TTLL10: variants seen among roughly 807,000 people sequenced by gnomAD.
The protein encoded by TTLL10 is inactive polyglycylase TTLL10.
TTLL10 carries 61 observed loss-of-function variants against 69.0 expected under a neutral mutation model. That is an observed-to-expected ratio of 0.88 (90% CI 0.72 to 1.09). The LOEUF (loss-of-function observed/expected upper bound fraction) is 1.09. TTLL10 is among the 50% of genes least tolerant of loss of function. TTLL10 has a pLI of 0.00. For synonymous variants in TTLL10, 408 were observed against 393.3 expected, an observed-to-expected ratio of 1.04 and a Z score of -0.44; for missense variants, 962 against 945.9, an observed-to-expected ratio of 1.02 and a Z score of -0.22.
intron 3 of TTLL10, chr1:1,174,727 C>T (rs538632497): frequency 1.3e-5 from 2 of 152,346 alleles, no homozygotes; most frequent in South Asian, 2.1e-4. Context: ...GATCGACAGG[C>T]GTGAGGAGCC....
intron 13 of TTLL10, among the ~76,000 whole-genome samples, chr1:1,186,277 T>C (rs11260548): frequency 0.27 from 40,548 of 151,858 alleles, 6,440 homozygotes; most frequent in East Asian, 0.74. Flanking sequence ...TTAGTAGAGA[T>C]GGGGTTTTGC....
chr1:1,184,746 CCCCCAG>C (rs1647202209), intron 12 of TTLL10, among the ~76,000 whole-genome samples: 2 of 132,998 alleles, frequency 1.5e-5, no homozygotes, highest in African/African-American at 5.6e-5. Flanking sequence ...GCACCGTGTG[CCCCCAG>C]TTCATGCAGA....
chr1:1,180,958 G>A lies in TTLL10; in HGVS notation c.755+98G>A, dbSNP rs1184296883. 19 of 1,103,662 alleles carry A rather than the reference G, an allele frequency of 1.7e-5. No homozygotes were observed. In the Admixed American group the frequency reaches 7.0e-4, roughly 41 times the overall value. 68.4% of individuals were successfully genotyped at this position (1,103,662 alleles called of 1,614,324 possible). On this transcript the variant is annotated intron_variant, in intron 8 of 15. Transcript: ENST00000379289. ...CCGCCCCACCCCTGCCCCTGCGCCC[G>A]CCCCTGCCCTTGCCCCTGCCCCTGG... is the stretch of plus-strand genomic sequence containing the variant.
intron 11 of TTLL10, among the ~76,000 whole-genome samples, chr1:1,183,302 AGGTGGCCTGGCCTGGGTGGCCTCCC>A (rs1398437736): frequency 6.6e-6 from 1 of 152,146 alleles, no homozygotes; most frequent in Non-Finnish European, 1.5e-5. Context: ...TCTGTCCTGC[AGGTGGCCTGGCCTGGGTGGCCTCCC>A]GGCTGCCAGC....
At position 1,197,422 on chromosome 1, in the gene TTLL10, C is replaced by A; in HGVS notation, c.1613-16C>A. 1 of 1,429,192 alleles carries A rather than the reference C, an allele frequency of 7.0e-7. No individual in the cohort carries two copies. The allele number at this position is 1,429,192 out of a possible 1,614,324, so 88.5% of individuals were successfully genotyped here. On this transcript the variant is annotated splice_polypyrimidine_tract_variant and intron_variant, in intron 15 of 15. Coordinates refer to ENST00000379289, the MANE Select transcript of TTLL10 (RefSeq NM_001130045.2). ...CCTCTGCCCCCCACTCACCCTCTCT[C>A]CCCCACCCGCACCAGACCTGGTGCT... is the stretch of plus-strand genomic sequence containing the variant.
intron 13 of TTLL10, among the ~76,000 whole-genome samples, chr1:1,195,567 A>G (rs1010778868): frequency 5.9e-5 from 8 of 135,040 alleles, no homozygotes; most frequent in Non-Finnish European, 1.1e-4. Context: ...CTTGTCTCGA[A>G]CTCCTGACCT....
At position 1,183,006 on chromosome 1, in the gene TTLL10, CA is replaced by C; in HGVS notation, c.1049del (p.Lys350ArgfsTer42). On this transcript the variant is annotated frameshift_variant, in exon 11 of 16. Transcript: ENST00000379289. LOFTEE classifies it high-confidence loss of function. ...RSMEDDPIHH[K>X]TPFRGPQARV... ...GCATGGAGGACGACCCCATCCACCA[CA>C]AGACGCCGTTCCGGGGGCCTCAGGC... 6.2e-7 allele frequency: 1 copy of C among 1,609,934 alleles called. No individual in the cohort carries two copies. The highest frequency in any genetic ancestry group is 8.5e-7 in the Non-Finnish European group (1 of 1,178,620).
At chr1:1,193,977 G>A (rs986156014) in intron 13 of TTLL10, among the ~76,000 whole-genome samples, 4 of 147,224 alleles carry the variant, frequency 2.7e-5, no homozygotes, top group African/African-American at 5.3e-5. Context: ...GGGCAACATA[G>A]TGAGACCCCA....
At chr1:1,178,678 G>A (rs1400995983) in intron 3 of TTLL10, among the ~76,000 whole-genome samples, 1 of 152,190 alleles carries the variant, frequency 6.6e-6, no homozygotes, top group Non-Finnish European at 1.5e-5. Context: ...TTGCAACATG[G>A]GAAGGTGTTG....
At chr1:1,182,190 G>C (rs1211984116) in intron 9 of TTLL10, among the ~76,000 whole-genome samples, 171 bp from the exon 10 acceptor site, 3 of 152,226 alleles carry the variant, frequency 2.0e-5, no homozygotes, top group Non-Finnish European at 4.4e-5. Flanking sequence ...CCCGTTGGGG[G>C]GGTGCTGCAA....
At chr1:1,179,519 A>G in intron 4 of TTLL10, 138 bp from the exon 5 acceptor site, 1 of 1,403,986 alleles carries the variant, frequency 7.1e-7, no homozygotes, top group African/African-American at 1.4e-5. Context: ...CACAGAGGGG[A>G]GCTGTCGCGC....
intron 15 of TTLL10, 31 bp downstream of exon 15, chr1:1,197,217 C>G: frequency 6.5e-7 from 1 of 1,535,784 alleles, no homozygotes; most frequent in South Asian, 1.2e-5. Flanking sequence ...CCCACACCCC[C>G]ACAACCTGCC....
intron 13 of TTLL10, among the ~76,000 whole-genome samples, chr1:1,194,235 C>T (rs1648039057): frequency 1.3e-5 from 2 of 152,222 alleles, no homozygotes; most frequent in Admixed American, 1.3e-4. Context: ...CAAAAACACA[C>T]TGCTCCTAAA....
intron 10 of TTLL10, 39 bp downstream of exon 10, chr1:1,182,485 G>A (rs1487687697): frequency 6.2e-7 from 1 of 1,601,342 alleles, no homozygotes; most frequent in Non-Finnish European, 8.6e-7. Flanking sequence ...TGGCCCTGGG[G>A]AGACAGGGTG....
Position 1,197,533 on chromosome 1 carries a change from G to C in TTLL10, c.1708G>C (p.Ala570Pro). The change falls in exon 16 of 16, where the codon GCC becomes CCC. Residue 570 changes from alanine (A) to proline (P), a missense_variant. By Grantham distance (27) the Ala-to-Pro change is conservative (BLOSUM62 -1). Coordinates refer to ENST00000379289, the MANE Select transcript of TTLL10 (RefSeq NM_001130045.2). ...RRFVLLHNGEADPRPHLGGSC... is the reference protein window; with the variant it reads ...RRFVLLHNGEPDPRPHLGGSC... ...CTTCGTGCTCCTGCACAACGGTGAGGCCGACCCGCGGCCGCACCTGGGGGG... is the reference window on the plus strand; with the variant it reads ...CTTCGTGCTCCTGCACAACGGTGAGCCCGACCCGCGGCCGCACCTGGGGGG... 1 of 1,530,224 alleles carries C rather than the reference G, an allele frequency of 6.5e-7. No homozygotes were observed. Among genetic ancestry groups the C allele is most frequent in the African/African-American group, 1.4e-5 (1 of 72,496 alleles). 94.8% of individuals were successfully genotyped at this position (1,530,224 alleles called of 1,614,324 possible).
rs1488310378 is a variant in TTLL10 at position 1,180,172 on chromosome 1, C to T, written c.338C>T (p.Pro113Leu). Reference protein sequence around the residue: ...GAERASATPGPPGLLNSHRPA... With the variant: ...GAERASATPGLPGLLNSHRPA... ...GAAAGAGCCTCTGCCACACCCGGAC[C>T]CCCTGGGCTCCTGAACAGCCACCGG... The change falls in exon 6 of 16, where the codon CCC (proline) becomes CTC (leucine). Residue 113 changes from proline to leucine, a missense_variant. Transcript: ENST00000379289. The T allele has an allele frequency of 1.2e-6, 2 of 1,611,000 alleles. No individual in the cohort carries two copies. Among genetic ancestry groups the T allele is most frequent in the Admixed American group, 1.7e-5 (1 of 59,838 alleles).
chr1:1,182,517 C>A, intron 10 of TTLL10, 71 bp downstream of exon 10: 1 of 1,496,510 alleles, frequency 6.7e-7, no homozygotes, highest in Non-Finnish European at 9.3e-7. Context: ...AAGGCGGGGG[C>A]TGATGAGGGC....
At position 1,180,873 on chromosome 1, in the gene TTLL10, CT is replaced by C; in HGVS notation, c.755+14del. On this transcript the variant is annotated intron_variant, in intron 8 of 15. Transcript: ENST00000379289. The stretch of plus-strand genomic sequence containing the variant: ...GGGTCCAGGCCAGGTGAGTCTGCCC[CT>C]GCCCCTGCCCCCGTCCCTGCGCCCG... 1.3e-6 allele frequency: 2 copies of C among 1,548,470 alleles called. No homozygotes were observed. Among genetic ancestry groups the C allele is most frequent in the East Asian group, 4.9e-5 (2 of 40,804 alleles).
Position 1,184,065 on chromosome 1 carries a change from G to T in TTLL10, c.1234G>T (p.Asp412Tyr). ...TAGCCTTTACGACCCCCATTCCAGC[G>T]ACCTCGGCGGCCACTTGACCAACCA... ...TLSLYDPHSS[D>Y]LGGHLTNQFM... Residue 412 changes from aspartate (D) to tyrosine (Y), a missense_variant, in exon 12 of 16, where the codon GAC (aspartate) becomes TAC (tyrosine). By Grantham distance (160) the Asp-to-Tyr change is radical. Coordinates refer to ENST00000379289, the MANE Select transcript of TTLL10 (RefSeq NM_001130045.2). 6.2e-7 allele frequency: 1 copy of T among 1,614,186 alleles called. No individual in the cohort carries two copies. Among genetic ancestry groups the T allele is most frequent in the African/African-American group, 1.3e-5 (1 of 75,048 alleles).
Sources: gnomAD v4.1 joint callset for allele counts (sites outside exome capture counted in the v4.1 genomes callset) on GRCh38, gnomAD v4.1.1 for gene constraint, MANE v1.5 for transcripts, NCBI Gene and HGNC (gene_info 2026-07-23, HGNC 2026-07-21) for gene names.